HERC1: variants seen among roughly 807,000 people sequenced by gnomAD.
HERC1 encodes the protein probable E3 ubiquitin-protein ligase HERC1.
In HERC1, 160 loss-of-function variants were observed where a neutral mutation model predicts 554.3. The ratio of observed to expected loss-of-function variants is 0.29; its 90% CI spans 0.25 to 0.33. The LOEUF is 0.33. Among genes scored for constraint, HERC1 ranks in the 10% least tolerant of loss-of-function variants. The pLI is 1.00. For missense variants in HERC1, 4,919 were observed against 5,918.5 expected, an observed-to-expected ratio of 0.83 and a Z score of 5.54; for synonymous variants, 2,175 against 2,131.7, an observed-to-expected ratio of 1.02 and a Z score of -0.56.
chr15:63,686,006 G>C (rs541400400), intron 34 of HERC1, among the ~76,000 whole-genome samples: 1 of 152,258 alleles, frequency 6.6e-6, no homozygotes, highest in South Asian at 2.1e-4. Context: ...TATAAAAATT[G>C]TGGGCACTGA....
At chr15:63,664,673 A>G in intron 42 of HERC1, 79 bp from the exon 43 acceptor site, 2 of 1,227,410 alleles carry the variant, frequency 1.6e-6, no homozygotes, top group Non-Finnish European at 2.3e-6. Context: ...GCTTACTTGT[A>G]GTACTACTTT....
intron 30 of HERC1, 86 bp downstream of exon 30, chr15:63,693,878 G>T: frequency 7.5e-7 from 1 of 1,334,658 alleles, no homozygotes; most frequent in Non-Finnish European, 1.0e-6. Flanking sequence ...TCATAAGGAA[G>T]AGGAACTCTA....
chr15:63,693,816 A>G (rs980921317), intron 30 of HERC1, 148 bp downstream of exon 30: 1 of 804,850 alleles, frequency 1.2e-6, no homozygotes, highest in Non-Finnish European at 2.0e-6. Flanking sequence ...AATCATATAT[A>G]CGTGAAGAGA....
chr15:63,693,590 G>A (rs2072246638), intron 30 of HERC1, among the ~76,000 whole-genome samples: 1 of 143,192 alleles, frequency 7.0e-6, no homozygotes, highest in Admixed American at 6.9e-5. Context: ...GGCTTGTCAG[G>A]ATCAAGGTTA....
chr15:63,684,831 A>G (rs1366752202), intron 34 of HERC1, among the ~76,000 whole-genome samples: 1 of 152,130 alleles, frequency 6.6e-6, no homozygotes, highest in Non-Finnish European at 1.5e-5. Flanking sequence ...AACATGGCAA[A>G]ACCCTATCTC....
intron 22 of HERC1, among the ~76,000 whole-genome samples, chr15:63,714,017 A>G (rs754689164): frequency 3.9e-5 from 6 of 152,182 alleles, no homozygotes; most frequent in Non-Finnish European, 7.3e-5. Context: ...GCAAATTATC[A>G]GGCCCACCCC....
intron 1 of HERC1, among the ~76,000 whole-genome samples, chr15:63,819,592 T>C (rs569721911): frequency 4.6e-5 from 7 of 152,168 alleles, no homozygotes; most frequent in African/African-American, 1.7e-4. Flanking sequence ...TCTTCTAACA[T>C]CTATTCCTCT....
intron 1 of HERC1, among the ~76,000 whole-genome samples, chr15:63,825,040 A>G (rs1401395140): frequency 6.6e-6 from 1 of 152,052 alleles, no homozygotes; most frequent in East Asian, 1.9e-4. Flanking sequence ...CACGGTGGCT[A>G]ATGCCTGTAA....
intron 68 of HERC1, chr15:63,632,357 C>T (rs1354138501): frequency 6.4e-6 from 2 of 313,774 alleles, no homozygotes; most frequent in East Asian, 8.6e-5. Context: ...AGCCCCAGTC[C>T]CTAGAAGGGA....
chr15:63,785,538 G>A (rs1237731948), intron 1 of HERC1, among the ~76,000 whole-genome samples: 1 of 152,202 alleles, frequency 6.6e-6, no homozygotes, highest in Non-Finnish European at 1.5e-5. Context: ...GGAGGCCAAG[G>A]TGGGCGGATC....
chr15:63,754,473 C>A, intron 7 of HERC1, 32 bp downstream of exon 7: 1 of 1,526,790 alleles, frequency 6.5e-7, no homozygotes, highest in Non-Finnish European at 8.8e-7. Context: ...AAGAAAAAAG[C>A]CAAAGCTACT....
intron 1 of HERC1, among the ~76,000 whole-genome samples, chr15:63,795,157 G>T (rs1203989613): frequency 6.8e-6 from 1 of 146,502 alleles, no homozygotes; most frequent in East Asian, 2.0e-4. Context: ...ATTTTTAAAT[G>T]TATCAATACA....
At chr15:63,833,724 C>G (rs1484219779) in intron 1 of HERC1, 103 bp downstream of exon 1, 1 of 151,300 alleles carries the variant, frequency 6.6e-6, no homozygotes, top group African/African-American at 2.5e-5. Context: ...GCCGGCCCTG[C>G]GCGGCCGGCA....
chr15:63,833,246 G>T (rs1242160642), intron 1 of HERC1, among the ~76,000 whole-genome samples: 1 of 152,160 alleles, frequency 6.6e-6, no homozygotes, highest in African/African-American at 2.4e-5. Flanking sequence ...TATTGGGGCG[G>T]GAGATTTGGA....
At chr15:63,638,657 A>C (rs909991686) in intron 62 of HERC1, 54 bp downstream of exon 62, 79 of 1,587,690 alleles carry the variant, frequency 5.0e-5, no homozygotes, top group Non-Finnish European at 6.4e-5. Flanking sequence ...ACAAGCATTT[A>C]GAATCAAAAC....
At chr15:63,614,683 TG>T (rs1209425876) in intron 76 of HERC1, among the ~76,000 whole-genome samples, 4 of 152,224 alleles carry the variant, frequency 2.6e-5, no homozygotes, top group African/African-American at 4.8e-5. Flanking sequence ...AAAGTATTAC[TG>T]AAATGCTATT....
chr15:63,675,460 C>A (rs996299149), intron 37 of HERC1, among the ~76,000 whole-genome samples: 29 of 152,142 alleles, frequency 1.9e-4, no homozygotes, highest in African/African-American at 6.8e-4. Context: ...CTCAACCCTG[C>A]CATCATAGTG....
chr15:63,674,044 T>C (rs188741855), intron 38 of HERC1, among the ~76,000 whole-genome samples: 100 of 152,302 alleles, frequency 6.6e-4, no homozygotes, highest in Admixed American at 1.5e-3. Flanking sequence ...GTATTTTGAG[T>C]CAGATCAATA....
chr15:63,807,301 TGA>T (rs1310486321), intron 1 of HERC1, among the ~76,000 whole-genome samples: 5 of 152,108 alleles, frequency 3.3e-5, no homozygotes, highest in Non-Finnish European at 7.4e-5. Flanking sequence ...ATTGGGCCAT[TGA>T]GAGGCACACA....
Sources: gnomAD v4.1 joint callset for allele counts (sites outside exome capture counted in the v4.1 genomes callset) on GRCh38, gnomAD v4.1.1 for gene constraint, MANE v1.5 for transcripts, NCBI Gene and HGNC (gene_info 2026-07-23, HGNC 2026-07-21) for gene names.